The following INPP5D variants were observed in gnomAD, a reference collection of about 807,000 sequenced individuals.
INPP5D encodes phosphatidylinositol 3,4,5-trisphosphate 5-phosphatase 1.
Under a neutral mutation model 122.9 loss-of-function variants are expected in INPP5D, and 33 were observed. The observed-to-expected ratio is 0.27, with a 90% CI of 0.20 to 0.36. The LOEUF is 0.36. INPP5D is among the 10% of genes least tolerant of loss of function. The pLI is 1.00. For missense variants in INPP5D, 1,053 were observed against 1,412.7 expected (o/e 0.75, Z 4.08); for synonymous variants, 584 against 576.2 (o/e 1.01, Z -0.19).
At chr2:233,121,726 G>A (rs547394968) in intron 2 of INPP5D, among the ~76,000 whole-genome samples, 2 of 150,788 alleles carry the variant, frequency 1.3e-5, no homozygotes, top group Non-Finnish European at 3.0e-5. Context: ...GGGTTTCATC[G>A]TGTTGGCCAG....
rs893651113 is a variant in INPP5D, at chr2:233,094,406, C to T, written c.198+15008C>T. The stretch of plus-strand genomic sequence containing the variant: ...TGCATGCCTGTAGTCCCAGCTACTC[C>T]GGAGGGTGAGGCAGGAGAAATGCTT... On this transcript the variant is annotated intron_variant, in intron 2 of 26. Transcript: ENST00000445964. 1.1e-4 allele frequency among the ~76,000 whole-genome samples: 16 copies of T among 144,728 alleles called. No homozygotes were observed. The East Asian group carries it at 1.5e-3, about 14-fold the overall frequency. The allele number at this position is 144,728 out of a possible 152,430, so 94.9% of individuals were successfully genotyped here.
At chr2:233,196,243 TC>T (rs1695181455) in intron 24 of INPP5D, among the ~76,000 whole-genome samples, 1 of 152,096 alleles carries the variant, frequency 6.6e-6, no homozygotes, top group Non-Finnish European at 1.5e-5. Flanking sequence ...GGAGAGGTGC[TC>T]TCCTGCCTCC....
chr2:233,095,344 G>A (rs1559287962), intron 2 of INPP5D, among the ~76,000 whole-genome samples: 1 of 152,196 alleles, frequency 6.6e-6, no homozygotes, highest in Non-Finnish European at 1.5e-5. Context: ...GCTTGGCCAG[G>A]CGCAGTGGCC....
At position 233,137,960 on chromosome 2, in the gene INPP5D, T is replaced by TAATATAATGAG. The variant is rs1471832403; in HGVS notation, c.666-1881_666-1880insATATAATGAGA. 4.1e-3 allele frequency among the ~76,000 whole-genome samples: 435 copies of TAATATAATGAG among 106,292 alleles called. 3 individuals are homozygous for TAATATAATGAG. The highest frequency in any genetic ancestry group is 5.3e-3 in the African/African-American group (149 of 27,954). The allele number at this position is 106,292 out of a possible 152,430, so 69.7% of individuals were successfully genotyped here. A position where few individuals can be genotyped will look rare whatever the true frequency, so the allele number is the denominator to read the frequency against. ...TTATTATTATGATATAATGATATTA[T>TAATATAATGAG]ATTATAATATAATGAGATTATATTG... On this transcript the variant is annotated intron_variant, in intron 5 of 26. Coordinates refer to ENST00000445964, the MANE Select transcript of INPP5D (RefSeq NM_001017915.3).
In INPP5D at chr2:233,100,885, C is replaced by T. The variant is rs1692291519; in HGVS notation, c.199-21222C>T. 6.6e-6 allele frequency among the ~76,000 whole-genome samples: 1 copy of T among 150,502 alleles called. No homozygotes were observed. The highest frequency in any genetic ancestry group is 1.5e-5 in the Non-Finnish European group (1 of 67,718). ...CATTTCTTGGTTTCAGACAATCTCA[C>T]CTACCCCTCAAAGAAGGCGGAAGCT... On this transcript the variant is annotated intron_variant, in intron 2 of 26. Transcript: ENST00000445964. The surrounding 1 kb of genome is among the most constrained non-coding windows in gnomAD (Gnocchi z 5.3).
rs1574778145 is a variant in INPP5D, at chr2:233,164,649, G to A, written c.1555+225G>A. Among the ~76,000 whole-genome samples, 1 of 152,302 alleles carries A rather than the reference G, an allele frequency of 6.6e-6. No individual in the cohort carries two copies. The highest frequency in any genetic ancestry group is 1.9e-4 in the East Asian group (1 of 5,182). On this transcript the variant is annotated intron_variant, in intron 13 of 26. Transcript: ENST00000445964. This position sits in a 1 kb window ranked among gnomAD's most constrained non-coding sequence, Gnocchi z 4.3. ...GGGATCTAGCTAAAATGCAGGTTCC[G>A]ACCCAGTAGATCTTGGGTGGAGCTC...
Position 233,195,526 on chromosome 2 carries a change from G to T in INPP5D, c.2693+31G>T, listed in dbSNP as rs113301005. ...GTGGGCGTGGGGTGGGTGTTGGGGG[G>T]GGTGGATATCAGGGACTCATGACAA... On this transcript the variant is annotated intron_variant, in intron 24 of 26. Coordinates refer to ENST00000445964, the MANE Select transcript of INPP5D (RefSeq NM_001017915.3). 2.5e-4 allele frequency: 410 copies of T among 1,612,644 alleles called. 2 individuals carry two copies. The South Asian group carries it at 3.4e-3, about 13-fold the overall frequency.
In INPP5D at chr2:233,076,804, A is replaced by G. The variant is rs541741865; in HGVS notation, c.135-2531A>G. On this transcript the variant is annotated intron_variant, in intron 1 of 26. Transcript: ENST00000445964. ...CTTTTCTCATAAAGAAAGGCAAATT[A>G]AAGCAAGTTATCATTCTCACCTCTC... 2.0e-5 allele frequency among the ~76,000 whole-genome samples: 3 copies of G among 152,378 alleles called. No individual in the cohort carries two copies. In the South Asian group the frequency reaches 6.2e-4, roughly 32 times the overall value.
Position 233,163,735 on chromosome 2 carries a change from G to T in INPP5D, c.1269G>T (p.Thr423=), listed in dbSNP as rs377021577. ...ACGCCCCCCCTCCCAAGAAGATCAC[G>T]TCCTGGTTTCTCTCCAAGGGGCAGG... The part of the protein sequence containing the change: ...MGNAPPPKKI[T]SWFLSKGQGK... Residue 423 remains threonine (T), a synonymous_variant, in exon 12 of 27, where the codon ACG becomes ACT. Transcript: ENST00000445964. The T allele has an allele frequency of 6.2e-7, 1 of 1,613,794 alleles. No individual in the cohort carries two copies. Among genetic ancestry groups the T allele is most frequent in the Admixed American group, 1.7e-5 (1 of 59,998 alleles).
intron 2 of INPP5D, among the ~76,000 whole-genome samples, chr2:233,113,678 T>C (rs66493939): frequency 0.096 from 14,554 of 152,092 alleles, 1,091 homozygotes; most frequent in African/African-American, 0.21. Flanking sequence ...CTAGGGCCAC[T>C]CTCGCTGGCT....
At chr2:233,073,206 G>A (rs1455836340) in intron 1 of INPP5D, among the ~76,000 whole-genome samples, 2 of 152,184 alleles carry the variant, frequency 1.3e-5, no homozygotes, top group Non-Finnish European at 2.9e-5. Flanking sequence ...GGGAGGCAGG[G>A]AGAGGCTGTC....
chr2:233,153,420 C>T (rs1042885357), intron 9 of INPP5D, among the ~76,000 whole-genome samples: 16 of 152,030 alleles, frequency 1.1e-4, no homozygotes, highest in African/African-American at 2.4e-4. Context: ...AGTTCCCTTC[C>T]GGAAGGCAAA....
intron 13 of INPP5D, among the ~76,000 whole-genome samples, chr2:233,166,069 G>A (rs969857875): frequency 5.9e-5 from 9 of 152,104 alleles, no homozygotes; most frequent in Admixed American, 2.6e-4. Flanking sequence ...CAAACTGCCC[G>A]CGTCCACCCC....
At chr2:233,104,028 T>TG (rs1692396004) in intron 2 of INPP5D, among the ~76,000 whole-genome samples, 1 of 110,440 alleles carries the variant, frequency 9.1e-6, no homozygotes, top group Non-Finnish European at 1.8e-5. Flanking sequence ...TTTTTTTTTT[T>TG]GAGACATAGT....
At chr2:233,061,026 C>T (rs760857268) in intron 1 of INPP5D, among the ~76,000 whole-genome samples, 5 of 152,332 alleles carry the variant, frequency 3.3e-5, no homozygotes, top group Non-Finnish European at 7.4e-5. Context: ...GGGACCCTTC[C>T]TGGAGCACCC....
intron 21 of INPP5D, among the ~76,000 whole-genome samples, chr2:233,187,324 G>C (rs1183286133): frequency 6.6e-6 from 1 of 152,122 alleles, no homozygotes. Flanking sequence ...TTTCTTTCTC[G>C]CACCATGAGG....
At chr2:233,107,123 A>T (rs1692486737) in intron 2 of INPP5D, among the ~76,000 whole-genome samples, 1 of 152,124 alleles carries the variant, frequency 6.6e-6, no homozygotes, top group Non-Finnish European at 1.5e-5. Context: ...GATAAGGCCT[A>T]AGTGGATGCC....
intron 2 of INPP5D, among the ~76,000 whole-genome samples, chr2:233,088,150 T>C (rs1485777299): frequency 6.6e-6 from 1 of 152,178 alleles, no homozygotes; most frequent in African/African-American, 2.4e-5. Context: ...TAATTTTTTG[T>C]ATTTTTAGTA....
chr2:233,158,577 T>C (rs36153082), intron 10 of INPP5D, among the ~76,000 whole-genome samples, 158 bp downstream of exon 10: 94,032 of 151,398 alleles, frequency 0.62, 30,790 homozygotes, highest in East Asian at 0.98. Flanking sequence ...AAGTTGAGGA[T>C]CATGTTCCAG....
Sources: allele counts gnomAD v4.1 joint callset (sites outside exome capture counted in the v4.1 genomes callset), GRCh38; gene constraint gnomAD v4.1.1; non-coding constraint Gnocchi (gnomAD v3.1); transcripts MANE v1.5; gene names NCBI Gene and HGNC (gene_info 2026-07-23, HGNC 2026-07-21).